Variants in CA12 observed in about 807,000 individuals in gnomAD.
The protein encoded by CA12 is carbonic anhydrase 12.
A neutral mutation model predicts 46.8 loss-of-function variants in CA12; 36 were observed. The ratio of observed to expected loss-of-function variants is 0.77; its 90% CI spans 0.59 to 1.02. The LOEUF (loss-of-function observed/expected upper bound fraction) is 1.02. Ranked by LOEUF, CA12 falls within the 50% of genes least tolerant of loss-of-function variation. The pLI is 0.00. For missense variants in CA12, 436 were observed against 451.4 expected (o/e 0.97, Z 0.31); for synonymous variants, 202 against 187.0 (o/e 1.08, Z -0.65).
chr15:63,358,729 C>T (rs1016994947), intron 2 of CA12, among the ~76,000 whole-genome samples: 2 of 152,138 alleles, frequency 1.3e-5, no homozygotes, highest in African/African-American at 4.8e-5. Context: ...CTTCCTCAGG[C>T]GAGTACCCCT....
chr15:63,341,689 T>C lies in CA12; in HGVS notation c.525+313A>G, dbSNP rs1398712626. ...AGGCATCTGATGGGGCAGATGGAGT[T>C]TGATGATCCCTTTCCAGCACAGGTC... On this transcript the variant is annotated intron_variant, in intron 5 of 10. Transcript: ENST00000178638. This position sits in a 1 kb window ranked among gnomAD's most constrained non-coding sequence, Gnocchi z 5.2. Among the ~76,000 whole-genome samples the C allele has an allele frequency of 1.3e-5, 2 of 152,156 alleles. No homozygotes were observed. The highest frequency in any genetic ancestry group is 2.4e-5 in the African/African-American group (1 of 41,442).
In CA12 at chr15:63,372,280, C is replaced by G. The variant is rs1313998479; in HGVS notation, c.106+3378G>C. On this transcript the variant is annotated intron_variant, in intron 2 of 10. Transcript: ENST00000178638. This position sits in a 1 kb window ranked among gnomAD's most constrained non-coding sequence, Gnocchi z 4.5. Reference sequence around the variant, plus strand: ...AGGTCCATGTCACATCATCCCCAGCCTCTCTCTCATGATGCCACCTCAGCC... The same window carrying G: ...AGGTCCATGTCACATCATCCCCAGCGTCTCTCTCATGATGCCACCTCAGCC... Among the ~76,000 whole-genome samples, 1 of 152,192 alleles carries G rather than the reference C, an allele frequency of 6.6e-6. No homozygotes were observed. The highest frequency in any genetic ancestry group is 1.5e-5 in the Non-Finnish European group (1 of 68,028).
At chr15:63,371,169 C>T (rs1254558631) in intron 2 of CA12, among the ~76,000 whole-genome samples, 2 of 152,178 alleles carry the variant, frequency 1.3e-5, no homozygotes, top group Non-Finnish European at 2.9e-5. Flanking sequence ...CAAGAAAGTT[C>T]ATTACAGAAA....
Position 63,329,296 on chromosome 15 carries a change from G to A in CA12, c.875-1166C>T, listed in dbSNP as rs2152610093. On this transcript the variant is annotated intron_variant, in intron 8 of 10. Transcript: ENST00000178638. This position sits in a 1 kb window ranked among gnomAD's most constrained non-coding sequence, Gnocchi z 4.8. ...AGTTACTGTTGAGGATAAATAAGGTGAGAGAGAAGTCCTCAGTGTGGCTGA... is the reference window on the plus strand; with the variant it reads ...AGTTACTGTTGAGGATAAATAAGGTAAGAGAGAAGTCCTCAGTGTGGCTGA... 1.3e-5 allele frequency among the ~76,000 whole-genome samples: 2 copies of A among 152,322 alleles called. No individual in the cohort carries two copies. Among genetic ancestry groups the A allele is most frequent in the South Asian group, 4.1e-4 (2 of 4,824 alleles).
Position 63,355,909 on chromosome 15 carries a change from G to A in CA12, c.107-9200C>T, listed in dbSNP as rs1304160217. ...CTTAAACATAATATTCAAATAGGGG[G>A]CTCCAGGCTCAGGCAACGACTGGTA... is the stretch of plus-strand genomic sequence containing the variant. On this transcript the variant is annotated intron_variant, in intron 2 of 10. Transcript: ENST00000178638. The surrounding 1 kb of genome is among the most constrained non-coding windows in gnomAD (Gnocchi z 4.1). Among the ~76,000 whole-genome samples, 1 of 152,152 alleles carries A rather than the reference G, an allele frequency of 6.6e-6. No homozygotes were observed.
intron 2 of CA12, among the ~76,000 whole-genome samples, chr15:63,358,450 CT>C (rs1421352839): frequency 6.6e-6 from 1 of 152,154 alleles, no homozygotes; most frequent in Non-Finnish European, 1.5e-5. Flanking sequence ...GCAGAGGCTG[CT>C]TTTGTGACAG....
chr15:63,370,353 C>G (rs1473610588), intron 2 of CA12, among the ~76,000 whole-genome samples: 1 of 149,640 alleles, frequency 6.7e-6, no homozygotes, highest in Non-Finnish European at 1.5e-5. Flanking sequence ...GAGGCTGAGA[C>G]AGGAGAATCC....
intron 2 of CA12, among the ~76,000 whole-genome samples, chr15:63,370,270 G>A (rs2039485988): frequency 6.6e-6 from 1 of 151,476 alleles, no homozygotes; most frequent in African/African-American, 2.4e-5. Context: ...AGACCAGCCT[G>A]GTAATGTAGC....
chr15:63,342,206 G>A lies in CA12; in HGVS notation c.430-109C>T, dbSNP rs1075456. ...TGAGGACAGAACCCCAGCCCCCTCA[G>A]CCCCCCAGACTAGGTTAGGTCTCTC... is the stretch of plus-strand genomic sequence containing the variant. On this transcript the variant is annotated intron_variant, in intron 4 of 10. Transcript: ENST00000178638. The A allele has an allele frequency of 1.9e-5, 14 of 738,186 alleles. No individual in the cohort carries two copies. The African/African-American group carries it at 1.9e-4, about 10-fold the overall frequency. 45.7% of individuals were successfully genotyped at this position (738,186 alleles called of 1,614,324 possible).
Position 63,327,996 on chromosome 15 carries a change from G to C in CA12, c.907+102C>G, listed in dbSNP as rs532279535. On this transcript the variant is annotated intron_variant, in intron 9 of 10. Coordinates refer to ENST00000178638, the MANE Select transcript of CA12 (RefSeq NM_001218.5). The surrounding 1 kb of genome is among the most constrained non-coding windows in gnomAD (Gnocchi z 4.5). ...ATAGCAAGGAGAGGGCCAGGAGCCA[G>C]AGCAATAGTACAGAGAAGCAGAGAG... The C allele has an allele frequency of 2.2e-4, 254 of 1,130,450 alleles. 4 individuals are homozygous for C. In the South Asian group the frequency reaches 3.0e-3, roughly 13 times the overall value. The allele number at this position is 1,130,450 out of a possible 1,614,324, so 70.0% of individuals were successfully genotyped here.
chr15:63,371,875 T>C (rs1330811309), intron 2 of CA12, among the ~76,000 whole-genome samples: 2 of 152,200 alleles, frequency 1.3e-5, no homozygotes, highest in Non-Finnish European at 2.9e-5. Context: ...TGTTTTGTTT[T>C]GGTTTGGTTT....
In CA12 at chr15:63,372,004, A is replaced by G. The variant is rs556582463; in HGVS notation, c.106+3654T>C. The stretch of plus-strand genomic sequence containing the variant: ...ATATATACCGAAAAGTGTGTAGACC[A>G]TAAGCAAACAGCTGGATGAATGCTC... On this transcript the variant is annotated intron_variant, in intron 2 of 10. Transcript: ENST00000178638. The surrounding 1 kb of genome is among the most constrained non-coding windows in gnomAD (Gnocchi z 4.5). Among the ~76,000 whole-genome samples, 12 of 152,284 alleles carry G rather than the reference A, an allele frequency of 7.9e-5. No homozygotes were observed. In the South Asian group the frequency reaches 1.0e-3, roughly 13 times the overall value.
chr15:63,357,576 C>T (rs1331902547), intron 2 of CA12, among the ~76,000 whole-genome samples: 2 of 152,222 alleles, frequency 1.3e-5, no homozygotes, highest in Non-Finnish European at 2.9e-5. Context: ...ACCCTCATCA[C>T]ACTGAAGGCC....
rs1311035266 is a variant in CA12 at position 63,339,291 on chromosome 15, G to A, written c.748-346C>T. Among the ~76,000 whole-genome samples the A allele has an allele frequency of 6.6e-6, 1 of 151,936 alleles. No individual in the cohort carries two copies. Among genetic ancestry groups the A allele is most frequent in the Non-Finnish European group, 1.5e-5 (1 of 68,000 alleles). On this transcript the variant is annotated intron_variant, in intron 7 of 10. Coordinates refer to ENST00000178638, the MANE Select transcript of CA12 (RefSeq NM_001218.5). The surrounding 1 kb of genome is among the most constrained non-coding windows in gnomAD (Gnocchi z 4.3). The stretch of plus-strand genomic sequence containing the variant: ...TCCACAGAGACTGAGTTCCTCTCAT[G>A]AACTTAAATTAGAGGCCAGCTCTCA...
In CA12 at chr15:63,381,658, AGGCT is replaced by A. The variant is rs2039647681; in HGVS notation, c.59_62del (p.Gln20LeufsTer7). The A allele has an allele frequency of 6.2e-7, 1 of 1,611,858 alleles. No homozygotes were observed. The highest frequency in any genetic ancestry group is 1.1e-5 in the South Asian group (1 of 90,504). On this transcript the variant is annotated frameshift_variant, in exon 1 of 11. Transcript: ENST00000178638. LOFTEE classifies it high-confidence loss of function. ...TACCGTTCACTGGGGCCGGGCTGGA[AGGCT>A]GTTCCTTTAAGATCACCAGCAGGAG...
intron 8 of CA12, among the ~76,000 whole-genome samples, chr15:63,333,373 C>G (rs2038959997): frequency 6.6e-6 from 1 of 152,218 alleles, no homozygotes; most frequent in South Asian, 2.1e-4. Context: ...TGACACCCAC[C>G]ATGGGGTTTT....
chr15:63,358,916 G>C (rs1426507212), intron 2 of CA12, among the ~76,000 whole-genome samples: 1 of 152,076 alleles, frequency 6.6e-6, no homozygotes, highest in Non-Finnish European at 1.5e-5. Flanking sequence ...CCTTGACCCT[G>C]GTGGCACTAA....
chr15:63,381,819 G>T lies in CA12; in HGVS notation c.-99C>A. On this transcript the variant is annotated 5_prime_UTR_variant, in exon 1 of 11. Transcript: ENST00000178638. ...ACCGGGACCGCGTGCGCGCAGCCTG[G>T]GTGCCGTGGCGAGTACGTCCGCCCT... 1 of 777,910 alleles carries T rather than the reference G, an allele frequency of 1.3e-6. No individual in the cohort carries two copies. Among genetic ancestry groups the T allele is most frequent in the East Asian group, 3.3e-5 (1 of 30,176 alleles). The allele number at this position is 777,910 out of a possible 1,614,324, so 48.2% of individuals were successfully genotyped here. A position where few individuals can be genotyped will look rare whatever the true frequency, so the allele number is the denominator to read the frequency against.
At chr15:63,351,873 T>C (rs1156909797) in intron 2 of CA12, among the ~76,000 whole-genome samples, 1 of 152,210 alleles carries the variant, frequency 6.6e-6, no homozygotes, top group Non-Finnish European at 1.5e-5. Flanking sequence ...AATATGAGTT[T>C]CAAAGACCTT....
Sources: gnomAD v4.1 joint callset for allele counts (sites outside exome capture counted in the v4.1 genomes callset) on GRCh38, gnomAD v4.1.1 for gene constraint, Gnocchi (gnomAD v3.1) non-coding constraint, MANE v1.5 for transcripts, NCBI Gene and HGNC (gene_info 2026-07-23, HGNC 2026-07-21) for gene names.